LRP1B: variants seen among roughly 807,000 people sequenced by gnomAD.
The protein encoded by LRP1B is low-density lipoprotein receptor-related protein 1B.
In LRP1B, 217 loss-of-function variants were observed where a neutral mutation model predicts 556.6. The ratio of observed to expected loss-of-function variants is 0.39; its 90% CI spans 0.35 to 0.44. LRP1B has a LOEUF of 0.44. LRP1B is among the 20% of genes least tolerant of loss of function. The pLI is 1.00. For missense variants in LRP1B, 5,053 were observed against 5,620.8 expected (o/e 0.90, Z 3.23); for synonymous variants, 2,047 against 1,865.8 (o/e 1.10, Z -2.50).
intron 60 of LRP1B, among the ~76,000 whole-genome samples, chr2:140,467,622 A>G (rs12988295): frequency 1.4e-5 from 2 of 142,916 alleles, no homozygotes; most frequent in African/African-American, 2.7e-5. Context: ...CAAAAAAAAA[A>G]AAAAAAAAAA....
At chr2:141,666,651 A>T (rs1690449900) in intron 2 of LRP1B, among the ~76,000 whole-genome samples, 1 of 152,176 alleles carries the variant, frequency 6.6e-6, no homozygotes. Context: ...TCCAGATACA[A>T]GTCTGTAACC....
intron 2 of LRP1B, among the ~76,000 whole-genome samples, chr2:141,623,065 G>A (rs1158514939): frequency 6.6e-6 from 1 of 152,102 alleles, no homozygotes; most frequent in Admixed American, 6.5e-5. Flanking sequence ...GCTGGAATTG[G>A]CTAAGATAAA....
intron 1 of LRP1B, among the ~76,000 whole-genome samples, chr2:141,862,419 C>T (rs374134619): frequency 7.2e-5 from 11 of 152,068 alleles, no homozygotes; most frequent in East Asian, 3.9e-4. Flanking sequence ...ACTGAAATTA[C>T]GTGAAAAAAA....
rs557992168 is a variant in LRP1B, at chr2:141,284,463, A to C, written c.344-29822T>G. Among the ~76,000 whole-genome samples, 5 of 152,330 alleles carry C rather than the reference A, an allele frequency of 3.3e-5. No individual in the cohort carries two copies. In the South Asian group the frequency reaches 1.0e-3, roughly 32 times the overall value. ...GTGGTTATTGAATAGTTCTTATGTGAAATAAGAAATTTCTGAAGGTACTAC... is the reference window on the plus strand; with the variant it reads ...GTGGTTATTGAATAGTTCTTATGTGCAATAAGAAATTTCTGAAGGTACTAC... On this transcript the variant is annotated intron_variant, in intron 3 of 90. Transcript: ENST00000389484.
At position 142,097,659 on chromosome 2, in the gene LRP1B, G is replaced by A. The variant is rs543696575; in HGVS notation, c.82+32989C>T. 3.7e-4 allele frequency among the ~76,000 whole-genome samples: 56 copies of A among 151,664 alleles called. 1 individual carries two copies. Among genetic ancestry groups the A allele is most frequent in the Non-Finnish European group, 3.5e-4 (24 of 67,666 alleles). On this transcript the variant is annotated intron_variant, in intron 1 of 90. Transcript: ENST00000389484. The stretch of plus-strand genomic sequence containing the variant: ...ATGATTTAATGTCAGCATACACAGA[G>A]CTATCTACTGAAAAAATATGCTACC...
At chr2:140,862,568 C>A (rs1393066799) in intron 27 of LRP1B, among the ~76,000 whole-genome samples, 7 of 152,174 alleles carry the variant, frequency 4.6e-5, no homozygotes, top group African/African-American at 1.4e-4. Context: ...TCTCTATCAC[C>A]ACTTTTTAAT....
intron 3 of LRP1B, among the ~76,000 whole-genome samples, chr2:141,265,201 C>T (rs936501765): frequency 6.6e-6 from 1 of 152,148 alleles, no homozygotes; most frequent in Non-Finnish European, 1.5e-5. Flanking sequence ...CCTGAGCCAG[C>T]GTTAGAGATA....
chr2:141,093,427 A>C (rs1700220010), intron 7 of LRP1B, among the ~76,000 whole-genome samples: 3 of 152,154 alleles, frequency 2.0e-5, no homozygotes, highest in Admixed American at 2.0e-4. Context: ...AGAAGGAATA[A>C]CAGATTGGAA....
intron 3 of LRP1B, among the ~76,000 whole-genome samples, chr2:141,298,153 C>T (rs1686252126): frequency 6.6e-6 from 1 of 152,106 alleles, no homozygotes; most frequent in Non-Finnish European, 1.5e-5. Flanking sequence ...CTCAGAGTAG[C>T]TATTAACTGA....
At chr2:140,867,918 C>G (rs1693000857) in intron 26 of LRP1B, 84 bp from the exon 27 acceptor site, 4 of 1,381,628 alleles carry the variant, frequency 2.9e-6, no homozygotes, top group African/African-American at 1.5e-5. Flanking sequence ...AGCTAAATGA[C>G]AAAAAAGGTA....
chr2:140,623,956 G>GTGTATATATATATATATATATATATA (rs1339496296), intron 41 of LRP1B, among the ~76,000 whole-genome samples: 9 of 106,432 alleles, frequency 8.5e-5, no homozygotes, highest in South Asian at 3.7e-4. Flanking sequence ...TTTTATTTAT[G>GTGTATATATATATATATATATATATA]TATATATATA....
At chr2:141,495,273 AAATCTTCTTTC>A (rs61310410) in intron 2 of LRP1B, among the ~76,000 whole-genome samples, 143,919 of 152,042 alleles carry the variant, frequency 0.95, 68,177 homozygotes, top group East Asian at 1. Context: ...CTCCTCCATC[AAATCTTCTTTC>A]AGATATATTT....
intron 65 of LRP1B, 115 bp downstream of exon 65, chr2:140,444,215 A>G: frequency 1.8e-6 from 2 of 1,132,350 alleles, no homozygotes; most frequent in South Asian, 3.7e-5. Flanking sequence ...TTATTTGACC[A>G]TAATTTCTTT....
chr2:140,692,610 A>G (rs1267917827), intron 41 of LRP1B, among the ~76,000 whole-genome samples: 1 of 152,082 alleles, frequency 6.6e-6, no homozygotes, highest in African/African-American at 2.4e-5. Flanking sequence ...CTTTAGTATG[A>G]TTATATTTCC....
In LRP1B at chr2:140,841,101, C is replaced by A. The variant is rs2105098346; in HGVS notation, c.4940-9G>T. On this transcript the variant is annotated splice_polypyrimidine_tract_variant and intron_variant, in intron 29 of 90. Coordinates refer to ENST00000389484, the MANE Select transcript of LRP1B (RefSeq NM_018557.3). ...TCTGATACTCTGAATATCTATAAAA[C>A]AGGAAAGAGAAGATTTAAAGGTGAA... The A allele has an allele frequency of 6.3e-7, 1 of 1,582,660 alleles. No individual in the cohort carries two copies. Among genetic ancestry groups the A allele is most frequent in the Non-Finnish European group, 8.6e-7 (1 of 1,161,772 alleles).
chr2:141,247,531 TAC>T (rs1308057329), intron 4 of LRP1B, among the ~76,000 whole-genome samples, 177 bp from the exon 5 acceptor site: 1 of 152,220 alleles, frequency 6.6e-6, no homozygotes, highest in African/African-American at 2.4e-5. Context: ...CCTTAATATT[TAC>T]AGAGATAAAA....
chr2:141,796,542 T>C (rs1695817498), intron 2 of LRP1B, among the ~76,000 whole-genome samples: 1 of 151,528 alleles, frequency 6.6e-6, no homozygotes, highest in African/African-American at 2.4e-5. Flanking sequence ...TTCTTTACCT[T>C]CAATTTCAAT....
intron 66 of LRP1B, among the ~76,000 whole-genome samples, chr2:140,401,606 C>G (rs1423570474): frequency 2.6e-5 from 4 of 152,152 alleles, no homozygotes; most frequent in Non-Finnish European, 5.9e-5. Flanking sequence ...ACACAAAGGA[C>G]ATAAACTTTT....
chr2:140,408,943 T>C (rs1225750689), intron 66 of LRP1B, among the ~76,000 whole-genome samples: 1 of 151,974 alleles, frequency 6.6e-6, no homozygotes, highest in Non-Finnish European at 1.5e-5. Context: ...GATAGTCCTA[T>C]GATAGAGGAG....
Sources: allele counts gnomAD v4.1 joint callset (sites outside exome capture counted in the v4.1 genomes callset), GRCh38; gene constraint gnomAD v4.1.1; transcripts MANE v1.5; gene names NCBI Gene and HGNC (gene_info 2026-07-23, HGNC 2026-07-21).